Variants in PCDHGA4 observed in about 807,000 individuals in gnomAD.
PCDHGA4 encodes the protein protocadherin gamma subfamily A, 4.
PCDHGA4 carries 38 observed loss-of-function variants against 54.6 expected under a neutral mutation model. The ratio of observed to expected loss-of-function variants is 0.70; its 90% CI spans 0.54 to 0.91. The LOEUF is 0.91. PCDHGA4 is among the 40% of genes least tolerant of loss of function. PCDHGA4 has a pLI of 0.00. For synonymous variants in PCDHGA4, 511 were observed against 512.9 expected (o/e 1.00, Z 0.05); for missense variants, 1,298 against 1,220.9 (o/e 1.06, Z -0.94).
intron 1 of PCDHGA4, chr5:141,379,063 C>G (rs1026715251): frequency 6.6e-6 from 1 of 152,184 alleles, no homozygotes; most frequent in African/African-American, 2.4e-5. Flanking sequence ...GGATTGGCCA[C>G]TTGTGCATCT....
At chr5:141,427,222 A>T (rs536161247) in intron 1 of PCDHGA4, 8 of 456,774 alleles carry the variant, frequency 1.8e-5, no homozygotes, top group Non-Finnish European at 3.5e-5. Flanking sequence ...CGTAGCAGTT[A>T]TACCATGAGA....
chr5:141,483,007 C>G (rs938404755), intron 1 of PCDHGA4, among the ~76,000 whole-genome samples: 1 of 152,140 alleles, frequency 6.6e-6, no homozygotes, highest in South Asian at 2.1e-4. Flanking sequence ...ATTGCTTGAA[C>G]CCGGGAGGCA....
chr5:141,429,861 A>G (rs1483953460), intron 1 of PCDHGA4, among the ~76,000 whole-genome samples: 1 of 152,226 alleles, frequency 6.6e-6, no homozygotes, highest in Non-Finnish European at 1.5e-5. Flanking sequence ...TCTTTGGACT[A>G]CCAATTTTCT....
intron 1 of PCDHGA4, among the ~76,000 whole-genome samples, chr5:141,488,117 G>A (rs1231303931): frequency 6.6e-6 from 1 of 152,190 alleles, no homozygotes; most frequent in African/African-American, 2.4e-5. Flanking sequence ...GAAACATAGA[G>A]ACAGCAGAAA....
intron 1 of PCDHGA4, chr5:141,423,087 G>C (rs756067751): frequency 1.2e-6 from 2 of 1,613,936 alleles, no homozygotes; most frequent in African/African-American, 1.3e-5. Context: ...TCTTCGCGGT[G>C]GGGGAGCACA....
At chr5:141,440,399 A>T (rs1215824479) in intron 1 of PCDHGA4, 1 of 152,164 alleles carries the variant, frequency 6.6e-6, no homozygotes, top group Non-Finnish European at 1.5e-5. Context: ...CCGAGAGGCA[A>T]TCGCACCACT....
rs1367772661 is a variant in PCDHGA4, at chr5:141,512,193, GGAAGCTC to G, written c.*1026_*1032del. 2.0e-5 allele frequency: 3 copies of G among 152,756 alleles called. No homozygotes were observed. Among genetic ancestry groups the G allele is most frequent in the Non-Finnish European group, 4.4e-5 (3 of 68,136 alleles). 9.5% of individuals were successfully genotyped at this position (152,756 alleles called of 1,614,324 possible). ...GGATTAAACTGGCATTTCAGTCCAAGGAAGCTCGAAGCAGGTTTAGGACCAGGTCCCC... is the reference window on the plus strand; with the variant it reads ...GGATTAAACTGGCATTTCAGTCCAAGGAAGCAGGTTTAGGACCAGGTCCCC... On this transcript the variant is annotated 3_prime_UTR_variant, in exon 4 of 4. Coordinates refer to ENST00000571252, the MANE Select transcript of PCDHGA4 (RefSeq NM_018917.4).
At position 141,370,670 on chromosome 5, in the gene PCDHGA4, AGAG is replaced by A. The variant is rs774593251; in HGVS notation, c.2514+13053_2514+13055del. On this transcript the variant is annotated intron_variant, in intron 1 of 3. Coordinates refer to ENST00000571252, the MANE Select transcript of PCDHGA4 (RefSeq NM_018917.4). ...TACTTGTGAGCGACCGTATAGACCGAGAGGAGATTTGTGGCAAGAAGTCGACGT... is the reference window on the plus strand; with the variant it reads ...TACTTGTGAGCGACCGTATAGACCGAGAGATTTGTGGCAAGAAGTCGACGT... The A allele has an allele frequency of 1.4e-5, 22 of 1,613,768 alleles. No homozygotes were observed. In the South Asian group the frequency reaches 1.5e-4, roughly 11 times the overall value.
chr5:141,508,550 G>T (rs1440375100), intron 3 of PCDHGA4, among the ~76,000 whole-genome samples: 3 of 152,138 alleles, frequency 2.0e-5, no homozygotes, highest in Non-Finnish European at 1.5e-5. Flanking sequence ...GGTGGGCGGG[G>T]GATGGCTTTG....
chr5:141,439,830 C>T (rs2098134193), intron 1 of PCDHGA4: 1 of 152,352 alleles, frequency 6.6e-6, no homozygotes, highest in South Asian at 2.1e-4. Context: ...GCTGGAGCAG[C>T]AGCAACTCTA....
chr5:141,494,198 C>T (rs1383940298), intron 1 of PCDHGA4, among the ~76,000 whole-genome samples: 8 of 152,158 alleles, frequency 5.3e-5, no homozygotes, highest in African/African-American at 1.7e-4. Context: ...TTGGATGCCC[C>T]GCAAAGGCCC....
At chr5:141,389,445 G>A (rs749321526) in intron 1 of PCDHGA4, 7 of 1,610,526 alleles carry the variant, frequency 4.3e-6, no homozygotes, top group Non-Finnish European at 5.1e-6. Context: ...CTTCGACCAC[G>A]AGCAGCTGCG....
intron 1 of PCDHGA4, among the ~76,000 whole-genome samples, chr5:141,436,557 A>G (rs1224841336): frequency 6.6e-6 from 1 of 152,218 alleles, no homozygotes; most frequent in Non-Finnish European, 1.5e-5. Flanking sequence ...GAGCTTCAGC[A>G]AAGTAGGAAT....
intron 1 of PCDHGA4, chr5:141,372,940 T>G: frequency 1.2e-6 from 1 of 817,644 alleles, no homozygotes; most frequent in Non-Finnish European, 1.8e-6. Flanking sequence ...TAGAGTAGGG[T>G]GTCTAGGAAA....
At chr5:141,384,107 G>T in intron 1 of PCDHGA4, 3 of 1,602,850 alleles carry the variant, frequency 1.9e-6, no homozygotes, top group Non-Finnish European at 2.6e-6. Context: ...AATTATTATA[G>T]ATTGGTCACA....
chr5:141,365,656 A>G (rs923075599), intron 1 of PCDHGA4: 1 of 1,613,518 alleles, frequency 6.2e-7, no homozygotes, highest in Admixed American at 1.7e-5. Flanking sequence ...CCTTGAAAGT[A>G]GCAGACGTTA....
intron 1 of PCDHGA4, chr5:141,371,369 A>G: frequency 6.2e-7 from 1 of 1,614,014 alleles, no homozygotes; most frequent in Non-Finnish European, 8.5e-7. Flanking sequence ...AGGATGGTGG[A>G]CATCACACTG....
At chr5:141,416,217 G>A (rs1224952837) in intron 1 of PCDHGA4, 1 of 152,288 alleles carries the variant, frequency 6.6e-6, no homozygotes, top group Non-Finnish European at 1.5e-5. Flanking sequence ...AACAATGTAT[G>A]CTTAGATTTT....
At position 141,413,564 on chromosome 5, in the gene PCDHGA4, T is replaced by C. The variant is rs762044373; in HGVS notation, c.2514+55943T>C. 9 of 1,613,760 alleles carry C rather than the reference T, an allele frequency of 5.6e-6. No homozygotes were observed. The Admixed American group carries it at 1.2e-4, about 21-fold the overall frequency. ...GGGATAGAAATAGAAGTAACTGATA[T>C]CAATGACAATGCTCCAAAATTCCAA... On this transcript the variant is annotated intron_variant, in intron 1 of 3. Coordinates refer to ENST00000571252, the MANE Select transcript of PCDHGA4 (RefSeq NM_018917.4).
Sources: gnomAD v4.1 joint callset for allele counts (sites outside exome capture counted in the v4.1 genomes callset) on GRCh38, gnomAD v4.1.1 for gene constraint, MANE v1.5 for transcripts, NCBI Gene and HGNC (gene_info 2026-07-23, HGNC 2026-07-21) for gene names.